The following NBEA variants were observed in gnomAD, a reference collection of about 807,000 sequenced individuals.
The protein encoded by NBEA is neurobeachin, also known as lysosomal-trafficking regulator 2.
NBEA carries 44 observed loss-of-function variants against 343.4 expected under a neutral mutation model. The observed-to-expected ratio is 0.13, with a 90% CI of 0.10 to 0.16. NBEA has a LOEUF of 0.16. Among genes scored for constraint, NBEA ranks in the 10% least tolerant of loss-of-function variants. The pLI is 1.00. For synonymous variants in NBEA, 1,175 were observed against 1,238.7 expected (o/e 0.95, Z 1.08); for missense variants, 2,555 against 3,631.3 (o/e 0.70, Z 7.62).
Position 34,943,247 on chromosome 13 carries a change from G to C in NBEA, c.294+133G>C, listed in dbSNP as rs1303198207. ...CCTGGGAGCGCAGAGCGTTCAGCCGGTATTGCCCAGCGGGTGACCTGCCTG... is the reference window on the plus strand; with the variant it reads ...CCTGGGAGCGCAGAGCGTTCAGCCGCTATTGCCCAGCGGGTGACCTGCCTG... On this transcript the variant is annotated intron_variant, in intron 1 of 58. Transcript: ENST00000379939. 3 of 1,224,482 alleles carry C rather than the reference G, an allele frequency of 2.5e-6. No homozygotes were observed. In the African/African-American group the frequency reaches 4.6e-5, roughly 19 times the overall value. 75.9% of individuals were successfully genotyped at this position (1,224,482 alleles called of 1,614,324 possible). A position where few individuals can be genotyped will look rare whatever the true frequency, so the allele number is the denominator to read the frequency against.
chr13:35,315,763 G>A (rs1480111799), intron 36 of NBEA, among the ~76,000 whole-genome samples: 1 of 152,068 alleles, frequency 6.6e-6, no homozygotes, highest in East Asian at 1.9e-4. Flanking sequence ...AAGAGGAGAA[G>A]CATATTGCAT....
At position 35,282,037 on chromosome 13, in the gene NBEA, C is replaced by T. The variant is rs568942772; in HGVS notation, c.5777-8352C>T. Among the ~76,000 whole-genome samples, 228 of 151,906 alleles carry T rather than the reference C, an allele frequency of 1.5e-3. 1 individual carries two copies. Among genetic ancestry groups the T allele is most frequent in the African/African-American group, 5.4e-3 (222 of 41,466 alleles). ...ACTCCATTCTCCTGCCTCAGTCTCC[C>T]GAGTAGCTGAGACTACAGGCGCCTG... is the stretch of plus-strand genomic sequence containing the variant. On this transcript the variant is annotated intron_variant, in intron 34 of 58. Coordinates refer to ENST00000379939, the MANE Select transcript of NBEA (RefSeq NM_001385012.1).
chr13:35,551,642 C>G (rs2079331967), intron 43 of NBEA, among the ~76,000 whole-genome samples: 1 of 152,066 alleles, frequency 6.6e-6, no homozygotes, highest in Non-Finnish European at 1.5e-5. Flanking sequence ...GAATACCTTA[C>G]TAAAAGTGGC....
At chr13:35,341,141 G>A (rs1281018870) in intron 36 of NBEA, among the ~76,000 whole-genome samples, 1 of 151,938 alleles carries the variant, frequency 6.6e-6, no homozygotes, top group East Asian at 1.9e-4. Context: ...CAAAATGACT[G>A]TCCTTACCAT....
At chr13:35,496,179 C>G (rs551928917) in intron 41 of NBEA, among the ~76,000 whole-genome samples, 1 of 152,052 alleles carries the variant, frequency 6.6e-6, no homozygotes, top group African/African-American at 2.4e-5. Flanking sequence ...AAAACAAGGT[C>G]TCATTATGTT....
intron 54 of NBEA, 73 bp downstream of exon 54, chr13:35,655,083 A>T: frequency 1.6e-6 from 2 of 1,213,130 alleles, no homozygotes; most frequent in Non-Finnish European, 1.1e-6. Context: ...ATATGAAATC[A>T]TACTTAATGT....
At chr13:35,447,015 T>C (rs964942036) in intron 39 of NBEA, among the ~76,000 whole-genome samples, 1 of 152,138 alleles carries the variant, frequency 6.6e-6, no homozygotes, top group Admixed American at 6.6e-5. Context: ...AATTACTTTT[T>C]TCTTTATTAG....
chr13:35,225,933 G>C (rs938145454), intron 33 of NBEA, among the ~76,000 whole-genome samples: 2 of 152,176 alleles, frequency 1.3e-5, no homozygotes, highest in East Asian at 3.9e-4. Context: ...ATCTGAAATA[G>C]AAGTCCTCTA....
chr13:35,237,973 C>A (rs2075313554), intron 34 of NBEA, among the ~76,000 whole-genome samples: 1 of 152,146 alleles, frequency 6.6e-6, no homozygotes, highest in African/African-American at 2.4e-5. Context: ...CATTCATTAA[C>A]AGTAGCTATT....
At chr13:35,163,985 T>A (rs937892977) in intron 23 of NBEA, among the ~76,000 whole-genome samples, 1 of 152,132 alleles carries the variant, frequency 6.6e-6, no homozygotes, top group Non-Finnish European at 1.5e-5. Flanking sequence ...TCCATATTAT[T>A]TTTAACATTA....
chr13:35,335,763 A>C (rs2039215435), intron 36 of NBEA, among the ~76,000 whole-genome samples: 2 of 152,098 alleles, frequency 1.3e-5, no homozygotes, highest in African/African-American at 4.8e-5. Context: ...AGTTTAGGCA[A>C]ATAGTGCGTT....
chr13:35,498,611 T>C (rs2076773251), intron 41 of NBEA, among the ~76,000 whole-genome samples: 1 of 152,062 alleles, frequency 6.6e-6, no homozygotes, highest in African/African-American at 2.4e-5. Context: ...CTTCAATAAA[T>C]TGTATTCTCT....
chr13:35,489,889 TA>T (rs991560273), intron 41 of NBEA, among the ~76,000 whole-genome samples: 2 of 151,796 alleles, frequency 1.3e-5, no homozygotes. Context: ...ATCTGAAGTT[TA>T]AAAAAAACTT....
chr13:35,181,175 C>G (rs549704224), intron 28 of NBEA, among the ~76,000 whole-genome samples: 102 of 151,974 alleles, frequency 6.7e-4, no homozygotes, highest in Non-Finnish European at 1.2e-3. Context: ...TTCTTTTCCT[C>G]TGGGTAAATA....
chr13:35,076,597 A>G (rs745892129), intron 10 of NBEA, among the ~76,000 whole-genome samples: 1 of 151,898 alleles, frequency 6.6e-6, no homozygotes, highest in East Asian at 1.9e-4. Context: ...GTCTTGTTAC[A>G]AGGTTTATGC....
In NBEA at chr13:35,236,151, C is replaced by A. The variant is rs574839959; in HGVS notation, c.5776+3532C>A. 4.6e-4 allele frequency among the ~76,000 whole-genome samples: 70 copies of A among 152,148 alleles called. 1 individual carries two copies. The South Asian group carries it at 0.014, about 31-fold the overall frequency. On this transcript the variant is annotated intron_variant, in intron 34 of 58. Coordinates refer to ENST00000379939, the MANE Select transcript of NBEA (RefSeq NM_001385012.1). ...TGCTTTTTAAATGCCAGTGACTTGG[C>A]AGTATAAAAAGCTGACAACCCTAAA...
intron 8 of NBEA, among the ~76,000 whole-genome samples, chr13:35,068,892 ATCT>A (rs2063757210): frequency 1.3e-5 from 2 of 152,124 alleles, no homozygotes; most frequent in Admixed American, 6.5e-5. Flanking sequence ...GAAAGGACAA[ATCT>A]TCTCTAGTTT....
chr13:35,425,401 T>G (rs1388682214), intron 38 of NBEA, among the ~76,000 whole-genome samples: 9 of 152,226 alleles, frequency 5.9e-5, no homozygotes, highest in Non-Finnish European at 1.2e-4. Context: ...CATTTTGTTA[T>G]GTACCCAGTA....
chr13:35,414,115 G>A (rs1157866905), intron 38 of NBEA, among the ~76,000 whole-genome samples: 3 of 151,998 alleles, frequency 2.0e-5, no homozygotes, highest in South Asian at 2.1e-4. Flanking sequence ...CCAAACTGAG[G>A]ACATTCGTTG....
Sources: allele counts gnomAD v4.1 joint callset (sites outside exome capture counted in the v4.1 genomes callset), GRCh38; gene constraint gnomAD v4.1.1; transcripts MANE v1.5; gene names NCBI Gene and HGNC (gene_info 2026-07-23, HGNC 2026-07-21).